CLSTN2: variants seen among roughly 807,000 people sequenced by gnomAD.
The protein encoded by CLSTN2 is calsyntenin 2.
CLSTN2 carries 48 observed loss-of-function variants against 101.2 expected under a neutral mutation model. The ratio of observed to expected loss-of-function variants is 0.47; its 90% confidence interval spans 0.38 to 0.60. The LOEUF (loss-of-function observed/expected upper bound fraction) is 0.60. Ranked by LOEUF, CLSTN2 falls within the 20% of genes least tolerant of loss-of-function variation. The probability of loss-of-function intolerance (pLI) is 0.00; values close to 1 mark genes in which losing one functional copy is unlikely to be tolerated. For missense variants in CLSTN2, 1,160 were observed against 1,238.2 expected (o/e 0.94, Z 0.95); for synonymous variants, 481 against 463.6 (o/e 1.04, Z -0.48).
rs560760562 is a variant in CLSTN2, at chr3:140,136,760, G to C, written c.110-39191G>C. On this transcript the variant is annotated intron_variant, in intron 1 of 16. Transcript: ENST00000458420. Reference sequence around the variant, plus strand: ...TGGATGGGAAAACCCAATGAACCCTGAGCATTGTCCTGGCAGGGAGCAGGA... The same window carrying C: ...TGGATGGGAAAACCCAATGAACCCTCAGCATTGTCCTGGCAGGGAGCAGGA... 3.9e-5 allele frequency among the ~76,000 whole-genome samples: 6 copies of C among 152,308 alleles called. No homozygotes were observed. The East Asian group carries it at 1.2e-3, about 29-fold the overall frequency.
intron 2 of CLSTN2, among the ~76,000 whole-genome samples, chr3:140,387,769 A>G (rs1263996191): frequency 6.6e-6 from 1 of 152,260 alleles, no homozygotes; most frequent in East Asian, 1.9e-4. Context: ...CAAAATTTAC[A>G]TGATTTAATA....
At chr3:140,173,237 A>G (rs1380699070) in intron 1 of CLSTN2, among the ~76,000 whole-genome samples, 5 of 152,226 alleles carry the variant, frequency 3.3e-5, no homozygotes, top group Middle Eastern at 3.2e-3. Context: ...TACAGGGCCC[A>G]TGCAAGTCCA....
intron 1 of CLSTN2, among the ~76,000 whole-genome samples, chr3:139,959,258 G>T (rs1935461894): frequency 6.6e-6 from 1 of 152,106 alleles, no homozygotes; most frequent in African/African-American, 2.4e-5. Flanking sequence ...TATCCCTCCA[G>T]CTGTGGGGTG....
At chr3:140,400,413 C>G (rs1228431273) in intron 2 of CLSTN2, among the ~76,000 whole-genome samples, 1 of 152,158 alleles carries the variant, frequency 6.6e-6, no homozygotes, top group African/African-American at 2.4e-5. Flanking sequence ...TTATTAAGAA[C>G]TTCAAGGCTG....
At chr3:140,262,219 T>C (rs1227392434) in intron 2 of CLSTN2, among the ~76,000 whole-genome samples, 1 of 152,206 alleles carries the variant, frequency 6.6e-6, no homozygotes, top group Non-Finnish European at 1.5e-5. Flanking sequence ...AAGTATAAAC[T>C]AGAAGCAAGA....
At chr3:140,155,801 A>T (rs1167447880) in intron 1 of CLSTN2, among the ~76,000 whole-genome samples, 1 of 152,244 alleles carries the variant, frequency 6.6e-6, no homozygotes, top group Non-Finnish European at 1.5e-5. Context: ...GTCATGGAAC[A>T]ACCAGTAAGT....
intron 8 of CLSTN2, among the ~76,000 whole-genome samples, chr3:140,474,957 C>CTGTA (rs1162111364): frequency 7.0e-5 from 9 of 129,004 alleles, no homozygotes; most frequent in Non-Finnish European, 9.4e-5. Context: ...GAAAGAAGCC[C>CTGTA]CCACTACACG....
chr3:140,024,000 G>A (rs1022461690), intron 1 of CLSTN2, among the ~76,000 whole-genome samples: 6 of 152,162 alleles, frequency 3.9e-5, no homozygotes, highest in African/African-American at 1.4e-4. Context: ...CAGTCAACAA[G>A]GAGGTTAAAG....
intron 2 of CLSTN2, among the ~76,000 whole-genome samples, chr3:140,274,620 A>G (rs1376838632): frequency 6.6e-6 from 1 of 152,120 alleles, no homozygotes; most frequent in Non-Finnish European, 1.5e-5. Context: ...GGGATGGCGC[A>G]CAGAGTGGGC....
chr3:140,224,851 T>G (rs2086304835), intron 2 of CLSTN2, among the ~76,000 whole-genome samples: 1 of 152,066 alleles, frequency 6.6e-6, no homozygotes, highest in African/African-American at 2.4e-5. Context: ...GAGAAACACA[T>G]GAAGGAAAAT....
intron 8 of CLSTN2, among the ~76,000 whole-genome samples, chr3:140,487,300 T>G (rs1934258245): frequency 6.6e-6 from 1 of 152,234 alleles, no homozygotes; most frequent in Admixed American, 6.5e-5. Flanking sequence ...CCATATTTAT[T>G]TGGAAAATAC....
chr3:140,513,532 G>A (rs543821629), intron 8 of CLSTN2, among the ~76,000 whole-genome samples: 4 of 149,714 alleles, frequency 2.7e-5, no homozygotes, highest in Middle Eastern at 3.5e-3. Flanking sequence ...GATAATTTTT[G>A]CATCAATGTT....
At chr3:140,185,983 T>C (rs1345377881) in intron 2 of CLSTN2, among the ~76,000 whole-genome samples, 2 of 152,172 alleles carry the variant, frequency 1.3e-5, no homozygotes, top group African/African-American at 2.4e-5. Flanking sequence ...AGCTCTGTCC[T>C]TGGAAACCAA....
Position 140,325,811 on chromosome 3 carries a change from G to A in CLSTN2, c.233-77818G>A, listed in dbSNP as rs1007035856. On this transcript the variant is annotated intron_variant, in intron 2 of 16. Transcript: ENST00000458420. ...GGACAAATACAGAATGTGAAGTCCC[G>A]TTCCAGCCAATGGAAACCAGACACA... Among the ~76,000 whole-genome samples the A allele has an allele frequency of 9.2e-5, 14 of 152,236 alleles. No homozygotes were observed. The East Asian group carries it at 1.9e-3, about 21-fold the overall frequency.
At chr3:140,115,049 CT>C (rs2107796405) in intron 1 of CLSTN2, among the ~76,000 whole-genome samples, 1 of 152,324 alleles carries the variant, frequency 6.6e-6, no homozygotes, top group East Asian at 1.9e-4. Context: ...CCAACCAACA[CT>C]TTCTTGTTTC....
chr3:140,111,997 T>C (rs1245117385), intron 1 of CLSTN2, among the ~76,000 whole-genome samples: 1 of 152,216 alleles, frequency 6.6e-6, no homozygotes, highest in Non-Finnish European at 1.5e-5. Context: ...CTGGGACCTG[T>C]GCTTTACTCA....
chr3:139,951,367 G>A (rs1315394307), intron 1 of CLSTN2, among the ~76,000 whole-genome samples: 1 of 152,242 alleles, frequency 6.6e-6, no homozygotes, highest in African/African-American at 2.4e-5. Context: ...TCAACTGAAA[G>A]AGGCCAGGAT....
intron 8 of CLSTN2, among the ~76,000 whole-genome samples, chr3:140,483,573 A>T (rs565264455): frequency 2.0e-5 from 3 of 151,942 alleles, no homozygotes; most frequent in South Asian, 2.1e-4. Flanking sequence ...ATTGTGTGGG[A>T]GTCTAAGTCT....
At chr3:140,135,876 A>G (rs925181390) in intron 1 of CLSTN2, among the ~76,000 whole-genome samples, 2 of 152,202 alleles carry the variant, frequency 1.3e-5, no homozygotes, top group Non-Finnish European at 2.9e-5. Context: ...ACTAAGTTAT[A>G]TTTCTGCTGT....
Sources: allele counts gnomAD v4.1 joint callset (sites outside exome capture counted in the v4.1 genomes callset), GRCh38; gene constraint gnomAD v4.1.1; transcripts MANE v1.5; gene names NCBI Gene and HGNC (gene_info 2026-07-23, HGNC 2026-07-21).